The following NFIC variants were observed in gnomAD, a reference collection of about 807,000 sequenced individuals.
The protein encoded by NFIC is nuclear factor I C, also known as nuclear factor 1 C-type.
In NFIC, 12 loss-of-function variants were observed where a neutral mutation model predicts 54.4. That is an observed-to-expected ratio of 0.22 (90% CI 0.14 to 0.36). NFIC has a LOEUF of 0.36. Ranked by LOEUF, NFIC falls within the 10% of genes least tolerant of loss-of-function variation. The pLI is 1.00. For synonymous variants in NFIC, 322 were observed against 319.2 expected (o/e 1.01, Z -0.09); for missense variants, 575 against 718.2 (o/e 0.80, Z 2.28).
chr19:3,445,405 C>T (rs1187330905), intron 6 of NFIC, among the ~76,000 whole-genome samples: 1 of 152,180 alleles, frequency 6.6e-6, no homozygotes, highest in African/African-American at 2.4e-5. Context: ...GGCTCAGCCT[C>T]GATGTCCGAG....
At chr19:3,409,944 G>A (rs1014004896) in intron 2 of NFIC, among the ~76,000 whole-genome samples, 36 of 152,148 alleles carry the variant, frequency 2.4e-4, no homozygotes, top group Non-Finnish European at 5.0e-4. Flanking sequence ...GCGGTGGCTC[G>A]CACCTGTGTT....
chr19:3,441,830 G>A (rs1265572090), intron 6 of NFIC, among the ~76,000 whole-genome samples: 1 of 152,100 alleles, frequency 6.6e-6, no homozygotes, highest in East Asian at 1.9e-4. Flanking sequence ...TCTCCCGAAG[G>A]TGCCCTTGGC....
chr19:3,400,731 C>G (rs938197122), intron 2 of NFIC, among the ~76,000 whole-genome samples: 2 of 152,044 alleles, frequency 1.3e-5, no homozygotes, highest in Admixed American at 1.3e-4. Context: ...AATCCAGCCA[C>G]TGGCAGGGGC....
chr19:3,372,710 G>GGGC (rs2081042440), intron 1 of NFIC, among the ~76,000 whole-genome samples: 1 of 149,166 alleles, frequency 6.7e-6, no homozygotes, highest in African/African-American at 2.5e-5. Flanking sequence ...CCAGGAGTGG[G>GGGC]GTGGGGGGGT....
chr19:3,391,007 G>A (rs2081368793), intron 2 of NFIC, among the ~76,000 whole-genome samples: 1 of 152,104 alleles, frequency 6.6e-6, no homozygotes, highest in Non-Finnish European at 1.5e-5. Flanking sequence ...CTTAGAAATG[G>A]TTAAAAGAGA....
At chr19:3,363,969 G>C (rs555659736), upstream of NFIC, among the ~76,000 whole-genome samples, 5 of 152,320 alleles carry the variant, frequency 3.3e-5, no homozygotes, top group South Asian at 1.0e-3. Flanking sequence ...GGAGCCACTG[G>C]TTTTACTCAG....
Position 3,452,514 on chromosome 19 carries a change from C to A in NFIC, c.1117C>A (p.Leu373Met), listed in dbSNP as rs1410742009. The change falls in exon 8 of 11, where the codon CTG becomes ATG. Residue 373 changes from leucine (L) to methionine (M), a missense_variant. Transcript: ENST00000443272. This position sits in a 1 kb window ranked among gnomAD's most constrained non-coding sequence, Gnocchi z 5.3. ...CCGGAGCCCACACCCGTCCTCCGCT[C>A]TGCATTTCCCTACGACGTCCATCCT... ...IARSPHPSSA[L>M]HFPTTSILPQ... The A allele has an allele frequency of 5.0e-6, 8 of 1,613,002 alleles. 1 individual carries two copies. In the Admixed American group the frequency reaches 1.3e-4, roughly 27 times the overall value.
chr19:3,449,276 G>T (rs895850761), intron 7 of NFIC, 137 bp downstream of exon 7: 8 of 1,353,994 alleles, frequency 5.9e-6, no homozygotes, highest in Non-Finnish European at 7.8e-6. Flanking sequence ...AACCATAGAG[G>T]TGCCGTAGTG....
At chr19:3,366,546 T>TGGGGGGGGGGGGGGGGGGGGG, upstream of NFIC, 3 of 316,912 alleles carry the variant, frequency 9.5e-6, no homozygotes, top group South Asian at 8.0e-5. Context: ...GGGGGGGGGG[T>TGGGGGGGGGGGGGGGGGGGGG]TGGGGGGGGC....
At chr19:3,433,002 T>C (rs2082145255) in intron 3 of NFIC, among the ~76,000 whole-genome samples, 1 of 150,402 alleles carries the variant, frequency 6.6e-6, no homozygotes, top group Non-Finnish European at 1.5e-5. Flanking sequence ...TGTCGCCCTG[T>C]TTCCCAGGCT....
chr19:3,409,964 T>G (rs570417908), intron 2 of NFIC, among the ~76,000 whole-genome samples: 14 of 152,260 alleles, frequency 9.2e-5, no homozygotes, highest in Admixed American at 5.9e-4. Flanking sequence ...TTCCCCTACT[T>G]TGGGAGACAG....
At chr19:3,414,561 C>T (rs2081819066) in intron 2 of NFIC, among the ~76,000 whole-genome samples, 1 of 151,726 alleles carries the variant, frequency 6.6e-6, no homozygotes, top group African/African-American at 2.4e-5. Context: ...CGTCACCGCA[C>T]TCCAGTCTGG....
At chr19:3,388,659 C>A (rs113852764) in intron 2 of NFIC, among the ~76,000 whole-genome samples, 17 of 144,484 alleles carry the variant, frequency 1.2e-4, no homozygotes, top group South Asian at 2.1e-4. Context: ...CATGCCCCCC[C>A]CCAACAAAAT....
chr19:3,452,134 A>C lies in NFIC; in HGVS notation c.1085-348A>C, dbSNP rs1217471936. Among the ~76,000 whole-genome samples the C allele has an allele frequency of 6.7e-6, 1 of 149,428 alleles. No homozygotes were observed. Among genetic ancestry groups the C allele is most frequent in the East Asian group, 2.0e-4 (1 of 5,108 alleles). ...AAAAAAAAAAAAAAAGACCAGGCTC[A>C]GTGGGTTACACCTGTAATCCCCGCA... On this transcript the variant is annotated intron_variant, in intron 7 of 10. Coordinates refer to ENST00000443272, the MANE Select transcript of NFIC (RefSeq NM_001245002.2). The surrounding 1 kb of genome is among the most constrained non-coding windows in gnomAD (Gnocchi z 5.3).
rs35622819 is a variant in NFIC at position 3,386,314 on chromosome 19, C to CTTTT, written c.562+4094_562+4097dup. On this transcript the variant is annotated intron_variant, in intron 2 of 10. Coordinates refer to ENST00000443272, the MANE Select transcript of NFIC (RefSeq NM_001245002.2). ...TGAGGCAAGGATCATTGCTGTATGC[C>CTTTT]TTTTTTTTTTTTTTTTTTTTTTTTT... Among the ~76,000 whole-genome samples, 12 of 69,068 alleles carry CTTTT rather than the reference C, an allele frequency of 1.7e-4. 3 individuals are homozygous for CTTTT. The highest frequency in any genetic ancestry group is 6.2e-4 in the African/African-American group (12 of 19,494). The allele number at this position is 69,068 out of a possible 152,430, so 45.3% of individuals were successfully genotyped here.
chr19:3,415,548 T>C (rs2081840459), intron 2 of NFIC, among the ~76,000 whole-genome samples: 1 of 152,094 alleles, frequency 6.6e-6, no homozygotes, highest in African/African-American at 2.4e-5. Flanking sequence ...GGCAGGGGTT[T>C]GTCTGAGACC....
intron 6 of NFIC, among the ~76,000 whole-genome samples, chr19:3,441,096 C>T (rs2082287005): frequency 6.6e-6 from 1 of 152,226 alleles, no homozygotes; most frequent in Non-Finnish European, 1.5e-5. Flanking sequence ...AGGTGTGAGC[C>T]ACCACACCCG....
Position 3,453,638 on chromosome 19 carries a change from C to G in NFIC, c.1270-125C>G. The G allele has an allele frequency of 7.6e-7, 1 of 1,322,672 alleles. No homozygotes were observed. Among genetic ancestry groups the G allele is most frequent in the Non-Finnish European group, 1.0e-6 (1 of 993,944 alleles). The allele number at this position is 1,322,672 out of a possible 1,614,324, so 81.9% of individuals were successfully genotyped here. A position where few individuals can be genotyped will look rare whatever the true frequency, so the allele number is the denominator to read the frequency against. ...CCACCAAACCCGCCATGGTCACACC[C>G]GCGCCCTGGCCCCCCAGCCTGCCAC... On this transcript the variant is annotated intron_variant, in intron 8 of 10. Transcript: ENST00000443272. The surrounding 1 kb of genome is among the most constrained non-coding windows in gnomAD (Gnocchi z 6.7).
intron 6 of NFIC, 38 bp downstream of exon 6, chr19:3,435,245 C>G (rs917131203): frequency 2.6e-6 from 4 of 1,530,266 alleles, no homozygotes; most frequent in Non-Finnish European, 3.5e-6. Context: ...GCCTTCCGGT[C>G]TGAGTCACCG....
Sources: gnomAD v4.1 joint callset for allele counts (sites outside exome capture counted in the v4.1 genomes callset) on GRCh38, gnomAD v4.1.1 for gene constraint, Gnocchi (gnomAD v3.1) non-coding constraint, MANE v1.5 for transcripts, NCBI Gene and HGNC (gene_info 2026-07-23, HGNC 2026-07-21) for gene names.